The following LRP1B variants were observed in gnomAD, a reference collection of about 807,000 sequenced individuals.
LRP1B encodes the protein LDL receptor related protein 1B.
A neutral mutation model predicts 556.6 loss-of-function variants in LRP1B; 217 were observed. The observed-to-expected ratio is 0.39, with a 90% CI of 0.35 to 0.44. LRP1B has a LOEUF of 0.44. Among genes scored for constraint, LRP1B ranks in the 20% least tolerant of loss-of-function variants. LRP1B has a pLI of 1.00. For missense variants in LRP1B, 5,053 were observed against 5,620.8 expected (o/e 0.90, Z 3.23); for synonymous variants, 2,047 against 1,865.8 (o/e 1.10, Z -2.50).
chr2:141,044,292 C>T (rs1439420003), intron 11 of LRP1B, among the ~76,000 whole-genome samples: 6 of 151,636 alleles, frequency 4.0e-5, no homozygotes, highest in South Asian at 4.2e-4. Context: ...AAGACTTAAA[C>T]GTTAGACCTA....
At chr2:141,400,692 A>G (rs1424031760) in intron 3 of LRP1B, among the ~76,000 whole-genome samples, 1 of 152,186 alleles carries the variant, frequency 6.6e-6, no homozygotes, top group Non-Finnish European at 1.5e-5. Flanking sequence ...ATTTTTTTAA[A>G]AAATCAGTAT....
At chr2:140,333,500 A>T (rs545641891) in intron 79 of LRP1B, among the ~76,000 whole-genome samples, 1 of 152,232 alleles carries the variant, frequency 6.6e-6, no homozygotes. Flanking sequence ...TAAATAGACT[A>T]AATTTCAAAT....
At chr2:141,951,853 C>T (rs1012636853) in intron 1 of LRP1B, among the ~76,000 whole-genome samples, 1 of 151,688 alleles carries the variant, frequency 6.6e-6, no homozygotes, top group Non-Finnish European at 1.5e-5. Context: ...TTTTAATTTG[C>T]TTTTTTTAAA....
intron 1 of LRP1B, among the ~76,000 whole-genome samples, chr2:141,959,585 T>C (rs898634966): frequency 6.6e-6 from 1 of 151,964 alleles, no homozygotes; most frequent in Admixed American, 6.6e-5. Context: ...GTGAAACACA[T>C]AGATAACTTT....
chr2:140,977,224 A>G (rs555288044), intron 18 of LRP1B, among the ~76,000 whole-genome samples: 3 of 152,216 alleles, frequency 2.0e-5, no homozygotes, highest in Non-Finnish European at 4.4e-5. Context: ...ATTATAACGA[A>G]TAAGTCTCAT....
At chr2:141,728,349 C>A (rs1410791108) in intron 2 of LRP1B, among the ~76,000 whole-genome samples, 4 of 151,850 alleles carry the variant, frequency 2.6e-5, no homozygotes, top group South Asian at 4.2e-4. Context: ...GCCGTGCCTC[C>A]CTTGGGCATG....
intron 1 of LRP1B, among the ~76,000 whole-genome samples, chr2:142,059,193 A>G (rs537617399): frequency 8.5e-5 from 13 of 152,186 alleles, no homozygotes; most frequent in Non-Finnish European, 4.4e-5. Flanking sequence ...TCTTTTGGGG[A>G]TGATGGAAAT....
intron 3 of LRP1B, among the ~76,000 whole-genome samples, chr2:141,396,595 A>G (rs2104915786): frequency 6.6e-6 from 1 of 152,240 alleles, no homozygotes; most frequent in East Asian, 1.9e-4. Flanking sequence ...ACGTTCTGAC[A>G]CTTTTTTTCA....
intron 3 of LRP1B, among the ~76,000 whole-genome samples, chr2:141,435,598 G>T (rs1211857878): frequency 6.6e-6 from 1 of 152,172 alleles, no homozygotes; most frequent in East Asian, 1.9e-4. Flanking sequence ...CCCTGCACTG[G>T]TGCAGGAGGC....
At chr2:141,703,588 T>C (rs990549349) in intron 2 of LRP1B, among the ~76,000 whole-genome samples, 8 of 151,954 alleles carry the variant, frequency 5.3e-5, no homozygotes, top group Non-Finnish European at 8.8e-5. Flanking sequence ...TTTAGAGGGA[T>C]AGTATTTTTA....
rs1195138791 is a variant in LRP1B at position 141,248,509 on chromosome 2, AG to A, written c.464-1156del. On this transcript the variant is annotated intron_variant, in intron 4 of 90. Coordinates refer to ENST00000389484, the MANE Select transcript of LRP1B (RefSeq NM_018557.3). Reference sequence around the variant, plus strand: ...CTGGCTTTCCTCAGACTAAGCAGAAAGGGACATTTCAGTTCATCAAAATGGC... The same window carrying A: ...CTGGCTTTCCTCAGACTAAGCAGAAAGGACATTTCAGTTCATCAAAATGGC... 3.9e-5 allele frequency among the ~76,000 whole-genome samples: 6 copies of A among 152,266 alleles called. No homozygotes were observed. The East Asian group carries it at 7.7e-4, about 20-fold the overall frequency.
chr2:141,100,070 G>A (rs920942559), intron 7 of LRP1B, among the ~76,000 whole-genome samples: 20 of 152,082 alleles, frequency 1.3e-4, no homozygotes, highest in Admixed American at 1.2e-3. Flanking sequence ...TCTGTTTCAA[G>A]ATCTCTTATC....
intron 27 of LRP1B, among the ~76,000 whole-genome samples, chr2:140,866,263 T>G (rs1298222809): frequency 6.6e-6 from 1 of 152,150 alleles, no homozygotes. Context: ...CAGCTAAGCA[T>G]TCCTCTGTTG....
chr2:140,615,520 G>A (rs957272853), intron 41 of LRP1B, among the ~76,000 whole-genome samples: 22 of 152,034 alleles, frequency 1.4e-4, no homozygotes, highest in African/African-American at 3.9e-4. Flanking sequence ...AGAACCTGTC[G>A]GGCAATTACA....
At chr2:140,871,101 C>G (rs1230746488) in intron 25 of LRP1B, among the ~76,000 whole-genome samples, 1 of 152,088 alleles carries the variant, frequency 6.6e-6, no homozygotes, top group Admixed American at 6.6e-5. Flanking sequence ...TATTAGATAA[C>G]TGTGTCAATA....
intron 7 of LRP1B, among the ~76,000 whole-genome samples, chr2:141,092,663 C>G (rs901051967): frequency 6.6e-6 from 1 of 152,108 alleles, no homozygotes; most frequent in Non-Finnish European, 1.5e-5. Context: ...TAAAACCACA[C>G]AGGAAGCTGT....
At chr2:140,481,578 T>TTA (rs1688242394) in intron 59 of LRP1B, among the ~76,000 whole-genome samples, 18 of 137,122 alleles carry the variant, frequency 1.3e-4, no homozygotes, top group African/African-American at 3.2e-4. Flanking sequence ...GGTAGCCATC[T>TTA]TTATTATTAT....
intron 7 of LRP1B, among the ~76,000 whole-genome samples, chr2:141,100,454 A>G (rs1700432927): frequency 6.6e-6 from 1 of 152,190 alleles, no homozygotes; most frequent in African/African-American, 2.4e-5. Flanking sequence ...TGTCTCCATC[A>G]TAAAGAGGGC....
At chr2:140,650,214 TA>T (rs892309235) in intron 41 of LRP1B, among the ~76,000 whole-genome samples, 15 of 151,166 alleles carry the variant, frequency 9.9e-5, no homozygotes, top group South Asian at 4.2e-4. Flanking sequence ...TTTTCTAATA[TA>T]AAAAAAAGGC....
Sources: allele counts gnomAD v4.1 joint callset (sites outside exome capture counted in the v4.1 genomes callset), GRCh38; gene constraint gnomAD v4.1.1; transcripts MANE v1.5; gene names NCBI Gene and HGNC (gene_info 2026-07-23, HGNC 2026-07-21).